RAP1A: variants seen among roughly 807,000 people sequenced by gnomAD.
RAP1A encodes ras-related protein Rap-1A.
A neutral mutation model predicts 26.4 loss-of-function variants in RAP1A; 6 were observed. The observed-to-expected ratio is 0.23, with a 90% CI of 0.12 to 0.45. RAP1A has a LOEUF of 0.45. Ranked by LOEUF, RAP1A falls within the 20% of genes least tolerant of loss-of-function variation. The pLI is 0.99. For missense variants in RAP1A, 121 were observed against 217.2 expected (o/e 0.56, Z 2.78); for synonymous variants, 73 against 79.4 (o/e 0.92, Z 0.43).
chr1:111,703,265 C>A, intron 4 of RAP1A, 71 bp from the exon 5 acceptor site: 1 of 1,024,530 alleles, frequency 9.8e-7, no homozygotes. Flanking sequence ...TGTAATTATG[C>A]TGTTTTAAAT....
At chr1:111,677,637 T>C (rs1390663189) in intron 1 of RAP1A, among the ~76,000 whole-genome samples, 2 of 152,232 alleles carry the variant, frequency 1.3e-5, no homozygotes, top group African/African-American at 4.8e-5. Context: ...CCTCAGCTCC[T>C]CTTCAGGTGT....
chr1:111,671,561 G>A (rs1002578425), intron 1 of RAP1A, among the ~76,000 whole-genome samples: 13 of 151,792 alleles, frequency 8.6e-5, no homozygotes, highest in African/African-American at 2.9e-4. Context: ...TGCAACCTCC[G>A]CCTCCCTGGT....
At chr1:111,578,503 C>G (rs534588318) in intron 1 of RAP1A, among the ~76,000 whole-genome samples, 1 of 104,724 alleles carries the variant, frequency 9.5e-6, no homozygotes, top group Non-Finnish European at 2.3e-5. Context: ...GGAAAAAAAA[C>G]CACAAAAAAA....
intron 1 of RAP1A, chr1:111,602,313 A>G (rs1658688126): frequency 6.6e-6 from 1 of 152,238 alleles, no homozygotes; most frequent in East Asian, 1.9e-4. Context: ...TCTGGCTTTT[A>G]AATTTTGGTC....
chr1:111,659,544 A>T, intron 1 of RAP1A, among the ~76,000 whole-genome samples: 1 of 149,906 alleles, frequency 6.7e-6, no homozygotes, highest in Admixed American at 6.6e-5. Context: ...TTATACCTTA[A>T]GTTTTAGGGT....
At chr1:111,623,951 A>G (rs904192770) in intron 1 of RAP1A, among the ~76,000 whole-genome samples, 1 of 152,212 alleles carries the variant, frequency 6.6e-6, no homozygotes, top group African/African-American at 2.4e-5. Context: ...GTAAATGTTC[A>G]TTGAACCTCA....
intron 1 of RAP1A, among the ~76,000 whole-genome samples, chr1:111,631,142 T>C (rs1659555302): frequency 6.6e-6 from 1 of 152,232 alleles, no homozygotes; most frequent in Non-Finnish European, 1.5e-5. Context: ...TTATCATACA[T>C]TGTAGCGATT....
At chr1:111,684,597 G>A (rs935384611) in intron 1 of RAP1A, among the ~76,000 whole-genome samples, 11 of 152,128 alleles carry the variant, frequency 7.2e-5, no homozygotes, top group Non-Finnish European at 1.0e-4. Context: ...ACCTCTTCAA[G>A]GAGAACTACA....
At position 111,712,449 on chromosome 1, in the gene RAP1A, T is replaced by A. The variant is rs1290868889; in HGVS notation, c.*48T>A. The A allele has an allele frequency of 1.3e-5, 2 of 152,500 alleles. No homozygotes were observed. The highest frequency in any genetic ancestry group is 4.8e-5 in the African/African-American group (2 of 41,446). The allele number at this position is 152,500 out of a possible 1,614,324, so 9.4% of individuals were successfully genotyped here. ...GTCTTAGATTACAGGAATGAAGAAC[T>A]GTTGCCTAATTGGAAAGTGCCAGCA... On this transcript the variant is annotated 3_prime_UTR_variant, in exon 8 of 8. Transcript: ENST00000369709.
At chr1:111,548,826 C>T (rs1040727537) in intron 1 of RAP1A, among the ~76,000 whole-genome samples, 9 of 152,334 alleles carry the variant, frequency 5.9e-5, no homozygotes, top group Admixed American at 5.9e-4. Flanking sequence ...TCAAGCTTCA[C>T]TACAAATGTG....
Position 111,559,157 on chromosome 1 carries a change from AAAACTTGTGGGAT to A in RAP1A, c.-28+16650_-28+16662del, listed in dbSNP as rs561924902. Among the ~76,000 whole-genome samples, 440 of 152,302 alleles carry A rather than the reference AAAACTTGTGGGAT, an allele frequency of 2.9e-3. 1 individual carries two copies. The highest frequency in any genetic ancestry group is 5.1e-3 in the Non-Finnish European group (344 of 68,016). ...AATAATAATAATGAAAATACATATCAAAACTTGTGGGATACAACTAAACTAGTATTTAGAGGGA... is the reference window on the plus strand; with the variant it reads ...AATAATAATAATGAAAATACATATCAACAACTAAACTAGTATTTAGAGGGA... On this transcript the variant is annotated intron_variant, in intron 1 of 7. Coordinates refer to the RAP1A transcript ENST00000356415.
At chr1:111,672,660 C>T (rs1456292535) in intron 1 of RAP1A, among the ~76,000 whole-genome samples, 2 of 152,180 alleles carry the variant, frequency 1.3e-5, no homozygotes, top group Non-Finnish European at 2.9e-5. Context: ...CAGGAGGAAG[C>T]TCTGATGCCT....
At chr1:111,573,283 G>A (rs1377442547) in intron 1 of RAP1A, among the ~76,000 whole-genome samples, 1 of 152,138 alleles carries the variant, frequency 6.6e-6, no homozygotes. Context: ...ACAAATGGTA[G>A]CTGTTTTTGG....
rs1199735105 is a variant in RAP1A at position 111,577,122 on chromosome 1, C to T, written c.-28+34613C>T. Among the ~76,000 whole-genome samples, 4 of 151,944 alleles carry T rather than the reference C, an allele frequency of 2.6e-5. No individual in the cohort carries two copies. In the East Asian group the frequency reaches 7.7e-4, roughly 29 times the overall value. On this transcript the variant is annotated intron_variant, in intron 1 of 7. Transcript: ENST00000356415. ...ATTATGAAACAATAGCAGAAATTTG[C>T]TGAGGTGCGGTGGCTCACGCCTGTA...
intron 1 of RAP1A, among the ~76,000 whole-genome samples, chr1:111,633,539 A>G (rs1659638386): frequency 6.6e-6 from 1 of 152,196 alleles, no homozygotes; most frequent in Non-Finnish European, 1.5e-5. Context: ...TTATTTCGGT[A>G]GTGTTTCTTT....
chr1:111,640,635 T>A (rs549026051), intron 1 of RAP1A, among the ~76,000 whole-genome samples: 9 of 152,306 alleles, frequency 5.9e-5, no homozygotes, highest in African/African-American at 1.9e-4. Context: ...TCCTTGAACA[T>A]CCTTTTAGTT....
chr1:111,577,016 G>T (rs1008917088), intron 1 of RAP1A, among the ~76,000 whole-genome samples: 2 of 152,186 alleles, frequency 1.3e-5, no homozygotes, highest in Admixed American at 1.3e-4. Context: ...GACCCAGGAA[G>T]TTCCATGGGG....
At chr1:111,693,164 A>C (rs939596031) in intron 2 of RAP1A, among the ~76,000 whole-genome samples, 4 of 152,162 alleles carry the variant, frequency 2.6e-5, no homozygotes, top group African/African-American at 9.7e-5. Flanking sequence ...AAAAAGAGGA[A>C]AGAGATGATC....
intron 1 of RAP1A, among the ~76,000 whole-genome samples, chr1:111,688,204 C>T (rs1284601593): frequency 6.7e-6 from 1 of 148,654 alleles, no homozygotes; most frequent in Admixed American, 6.7e-5. Flanking sequence ...GTAGGTTGAC[C>T]AGTTTTTTCT....
Sources: gnomAD v4.1 joint callset for allele counts (sites outside exome capture counted in the v4.1 genomes callset) on GRCh38, gnomAD v4.1.1 for gene constraint, MANE v1.5 for transcripts, NCBI Gene and HGNC (gene_info 2026-07-23, HGNC 2026-07-21) for gene names.